Variants in HSF5 observed in about 807,000 individuals in gnomAD.
The protein encoded by HSF5 is heat shock factor protein 5.
HSF5 carries 5 observed loss-of-function variants against 50.8 expected under a neutral mutation model. The observed-to-expected ratio is 0.10, with a 90% CI of 0.05 to 0.21. The LOEUF (loss-of-function observed/expected upper bound fraction) is 0.21. Ranked by LOEUF, HSF5 falls within the 10% of genes least tolerant of loss-of-function variation. HSF5 has a pLI of 1.00. For synonymous variants in HSF5, 307 were observed against 307.4 expected (o/e 1.00, Z 0.02); for missense variants, 564 against 762.6 (o/e 0.74, Z 3.07).
At chr17:58,447,296 C>G (rs1011787240) in intron 5 of HSF5, among the ~76,000 whole-genome samples, 1 of 152,200 alleles carries the variant, frequency 6.6e-6, no homozygotes, top group Admixed American at 6.5e-5. Flanking sequence ...GCCACCCCAG[C>G]AGGAAGGACC....
intron 5 of HSF5, among the ~76,000 whole-genome samples, chr17:58,431,010 G>A (rs1034478694): frequency 5.9e-5 from 9 of 152,162 alleles, no homozygotes; most frequent in African/African-American, 2.2e-4. Flanking sequence ...CTGGTAGGAG[G>A]TAACTGAATC....
chr17:58,445,347 G>A (rs1255385327), intron 5 of HSF5, among the ~76,000 whole-genome samples: 3 of 152,186 alleles, frequency 2.0e-5, no homozygotes, highest in Non-Finnish European at 2.9e-5. Flanking sequence ...GGGAGGCTGA[G>A]AAAGGAAGAT....
In HSF5 at chr17:58,466,359, C is replaced by T. The variant is rs115023336; in HGVS notation, c.1020+526G>A. ...GAAGAATCTGTCATTTGGTGACTTA[C>T]ACACTTGTAGCGTTTATCTGGTATT... On this transcript the variant is annotated intron_variant, in intron 3 of 5. Transcript: ENST00000323777. Among the ~76,000 whole-genome samples the T allele has an allele frequency of 4.2e-3, 638 of 152,276 alleles. 3 individuals carry two copies. Among genetic ancestry groups the T allele is most frequent in the African/African-American group, 0.012 (506 of 41,560 alleles).
chr17:58,439,296 C>CAA (rs78846977), intron 5 of HSF5, among the ~76,000 whole-genome samples: 84 of 147,670 alleles, frequency 5.7e-4, no homozygotes, highest in African/African-American at 1.7e-3. Context: ...ACAACAACAA[C>CAA]CAAAAAAAAA....
At chr17:58,486,976 C>T (rs1341887080) in intron 1 of HSF5, among the ~76,000 whole-genome samples, 1 of 145,514 alleles carries the variant, frequency 6.9e-6, no homozygotes, top group Non-Finnish European at 1.5e-5. Context: ...GGCACTATCT[C>T]GGCTTACTGC....
Position 58,479,901 on chromosome 17 carries a change from T to G in HSF5, c.917A>C (p.Tyr306Ser). ...TPSAQYSQAY[Y>S]PTAVLQCCSP... ...ACCTGAATTTGTCATACCTGTTGGA[T>G]AGTAGGCTTGCGAGTACTGTGCTGA... The change falls in exon 2 of 6, where the codon TAT becomes TCT. Residue 306 changes from tyrosine (Y) to serine (S), a missense_variant. Tyr to Ser is a moderately radical substitution (Grantham distance 144). Transcript: ENST00000323777. 6.2e-7 allele frequency: 1 copy of G among 1,611,474 alleles called. No individual in the cohort carries two copies. Among genetic ancestry groups the G allele is most frequent in the Non-Finnish European group, 8.5e-7 (1 of 1,178,928 alleles).
chr17:58,429,308 T>C (rs889308640), intron 5 of HSF5, among the ~76,000 whole-genome samples: 2 of 152,160 alleles, frequency 1.3e-5, no homozygotes, highest in Non-Finnish European at 2.9e-5. Flanking sequence ...CTGAAAATCT[T>C]TTGGAACTAA....
At chr17:58,438,106 CA>C (rs532267057) in intron 5 of HSF5, among the ~76,000 whole-genome samples, 100 of 141,266 alleles carry the variant, frequency 7.1e-4, no homozygotes, top group African/African-American at 9.3e-4. Flanking sequence ...ATCAAATTGC[CA>C]AAAAAAAAAA....
intron 2 of HSF5, among the ~76,000 whole-genome samples, chr17:58,477,336 G>A (rs921835604): frequency 6.6e-6 from 1 of 151,412 alleles, no homozygotes. Flanking sequence ...TAACCAGGCT[G>A]GTCTCGAACT....
intron 2 of HSF5, among the ~76,000 whole-genome samples, chr17:58,472,455 G>A (rs1032854469): frequency 2.0e-5 from 3 of 152,170 alleles, no homozygotes; most frequent in African/African-American, 7.2e-5. Flanking sequence ...AGTCTGGTGA[G>A]AAAGTGAGAC....
At chr17:58,430,502 G>C (rs1974349482) in intron 5 of HSF5, among the ~76,000 whole-genome samples, 1 of 152,182 alleles carries the variant, frequency 6.6e-6, no homozygotes, top group Admixed American at 6.5e-5. Context: ...GGGGCCCAGA[G>C]AGAACAAAAA....
intron 5 of HSF5, among the ~76,000 whole-genome samples, chr17:58,429,756 G>T (rs528193835): frequency 6.7e-6 from 1 of 150,370 alleles, no homozygotes; most frequent in African/African-American, 2.4e-5. Context: ...TGAGGCAGGA[G>T]AATCACTTGA....
chr17:58,472,433 C>T (rs1372380073), intron 2 of HSF5, among the ~76,000 whole-genome samples: 1 of 152,112 alleles, frequency 6.6e-6, no homozygotes, highest in Non-Finnish European at 1.5e-5. Context: ...TATGATCATG[C>T]CACTGCACTC....
chr17:58,449,614 C>T (rs992083949), intron 5 of HSF5, among the ~76,000 whole-genome samples: 3 of 151,188 alleles, frequency 2.0e-5, no homozygotes, highest in African/African-American at 4.9e-5. Context: ...GCACGAGAAT[C>T]GCTGGAACCT....
At chr17:58,446,276 G>C (rs559612754) in intron 5 of HSF5, among the ~76,000 whole-genome samples, 7 of 152,114 alleles carry the variant, frequency 4.6e-5, no homozygotes, top group South Asian at 2.1e-4. Flanking sequence ...GAAGAAATCA[G>C]GTGATGAATC....
chr17:58,459,096 C>T (rs555901534), intron 4 of HSF5, 151 bp from the exon 5 acceptor site: 3 of 649,378 alleles, frequency 4.6e-6, no homozygotes, highest in Non-Finnish European at 7.9e-6. Context: ...CTATACCTTT[C>T]TCCCTACACA....
chr17:58,465,301 G>A (rs550294786), intron 3 of HSF5, among the ~76,000 whole-genome samples: 1 of 150,960 alleles, frequency 6.6e-6, no homozygotes, highest in East Asian at 1.9e-4. Flanking sequence ...GGATTATAAG[G>A]CATGACCCAT....
At position 58,463,160 on chromosome 17, in the gene HSF5, C is replaced by T. The variant is rs781365190; in HGVS notation, c.1164G>A (p.Leu388=). ...CAACAGGCTCCACCTTTACCATCTCCAATTTAGGGGAGGAATGCAACTCAT... is the reference window on the plus strand; with the variant it reads ...CAACAGGCTCCACCTTTACCATCTCTAATTTAGGGGAGGAATGCAACTCAT... The part of the protein sequence containing the change: ...IVDELHSSPK[L]EMVKVEPVEN... The change falls in exon 4 of 6, where the codon TTG becomes TTA. Residue 388 remains leucine, a synonymous_variant. Coordinates refer to ENST00000323777, the MANE Select transcript of HSF5 (RefSeq NM_001080439.3). 8 of 1,614,066 alleles carry T rather than the reference C, an allele frequency of 5.0e-6. No homozygotes were observed. Among genetic ancestry groups the T allele is most frequent in the East Asian group, 2.2e-5 (1 of 44,902 alleles).
chr17:58,483,719 T>C (rs1326079500), intron 1 of HSF5, among the ~76,000 whole-genome samples: 1 of 152,186 alleles, frequency 6.6e-6, no homozygotes, highest in Non-Finnish European at 1.5e-5. Context: ...AAACTGCTCC[T>C]AAAAACAAAA....
Sources: gnomAD v4.1 joint callset for allele counts (sites outside exome capture counted in the v4.1 genomes callset) on GRCh38, gnomAD v4.1.1 for gene constraint, MANE v1.5 for transcripts, NCBI Gene and HGNC (gene_info 2026-07-23, HGNC 2026-07-21) for gene names.